Variants in ST7 observed in about 807,000 individuals in gnomAD.
The protein encoded by ST7 is suppression of tumorigenicity 7.
Under a neutral mutation model 78.7 loss-of-function variants are expected in ST7, and 28 were observed. The observed-to-expected ratio is 0.36, with a 90% CI of 0.26 to 0.49. The LOEUF is 0.49. Ranked by LOEUF, ST7 falls within the 20% of genes least tolerant of loss-of-function variation. The probability of loss-of-function intolerance (pLI) is 0.99; values close to 1 mark genes in which losing one functional copy is unlikely to be tolerated. For missense variants in ST7, 418 were observed against 696.0 expected, an observed-to-expected ratio of 0.60 and a Z score of 4.49; for synonymous variants, 247 against 249.6, an observed-to-expected ratio of 0.99 and a Z score of 0.10.
At position 117,099,857 on chromosome 7, in the gene ST7, G is replaced by A. The variant is rs1801430311; in HGVS notation, c.234+13G>A. On this transcript the variant is annotated intron_variant, in intron 2 of 15. Transcript: ENST00000323984. The stretch of plus-strand genomic sequence containing the variant: ...AGGGCTTATTTTGGTAAGTGGTGGA[G>A]TCCTTCTCATTTAAAAACATGCTGA... The A allele has an allele frequency of 1.9e-6, 3 of 1,604,484 alleles. No homozygotes were observed. The highest frequency in any genetic ancestry group is 2.6e-6 in the Non-Finnish European group (3 of 1,173,068).
At chr7:116,995,113 C>T (rs554525046) in intron 1 of ST7, among the ~76,000 whole-genome samples, 1 of 152,226 alleles carries the variant, frequency 6.6e-6, no homozygotes, top group Non-Finnish European at 1.5e-5. Context: ...TTAAATTCTC[C>T]TCAAAATCTT....
rs942205750 is a variant in ST7, at chr7:117,038,856, A to G, written c.152-60906A>G. Among the ~76,000 whole-genome samples the G allele has an allele frequency of 3.9e-5, 6 of 152,330 alleles. 1 individual carries two copies. The South Asian group carries it at 1.2e-3, about 32-fold the overall frequency. On this transcript the variant is annotated intron_variant, in intron 1 of 15. Transcript: ENST00000323984. ...AATGAAAGATTTTATGATGATTAAT[A>G]ACATCCAAATCCTTCCACTCAATGA...
At chr7:116,960,927 G>A (rs1316233355) in intron 1 of ST7, among the ~76,000 whole-genome samples, 1 of 152,144 alleles carries the variant, frequency 6.6e-6, no homozygotes, top group African/African-American at 2.4e-5. Context: ...TGTAGGTTGT[G>A]TTGCAGGGTT....
At chr7:117,046,487 A>G (rs1450058733) in intron 1 of ST7, among the ~76,000 whole-genome samples, 1 of 152,008 alleles carries the variant, frequency 6.6e-6, no homozygotes, top group Non-Finnish European at 1.5e-5. Flanking sequence ...TACTTCCATG[A>G]AGCCTTTTTT....
At chr7:117,032,889 A>T (rs749989654) in intron 1 of ST7, among the ~76,000 whole-genome samples, 2 of 152,194 alleles carry the variant, frequency 1.3e-5, no homozygotes, top group Non-Finnish European at 2.9e-5. Context: ...TTTCTAAGTT[A>T]GTTCCAGGCA....
intron 3 of ST7, among the ~76,000 whole-genome samples, chr7:117,122,104 T>C (rs1305431209): frequency 6.6e-6 from 1 of 152,074 alleles, no homozygotes; most frequent in Non-Finnish European, 1.5e-5. Context: ...GACATTTGAT[T>C]TGGATAGTGA....
chr7:117,114,146 G>T (rs1458273904), intron 2 of ST7, among the ~76,000 whole-genome samples: 1 of 151,988 alleles, frequency 6.6e-6, no homozygotes, highest in Non-Finnish European at 1.5e-5. Context: ...AGAGGGATTG[G>T]CTGAGATCTA....
Position 117,229,870 on chromosome 7 carries a change from C to CCTCCA in ST7, c.*17_*21dup. ...AACACGGATCTGAGAGAAGCCCTGTCCTCCACTCACCTCACCCGCCGCTGC... is the reference window on the plus strand; with the variant it reads ...AACACGGATCTGAGAGAAGCCCTGTCCTCCACTCCACTCACCTCACCCGCCGCTGC... On this transcript the variant is annotated 3_prime_UTR_variant, in exon 16 of 16. Coordinates refer to ENST00000323984, the MANE Select transcript of ST7 (RefSeq NM_001369598.1). 6.2e-7 allele frequency: 1 copy of CCTCCA among 1,604,946 alleles called. No individual in the cohort carries two copies. The highest frequency in any genetic ancestry group is 1.3e-5 in the African/African-American group (1 of 74,812).
chr7:116,970,353 G>A (rs1585063702), intron 1 of ST7, among the ~76,000 whole-genome samples: 1 of 152,154 alleles, frequency 6.6e-6, no homozygotes, highest in African/African-American at 2.4e-5. Context: ...GTCAGTTTAG[G>A]CTACTCTAAC....
chr7:117,149,622 A>ATTGT (rs1172312235), intron 9 of ST7, among the ~76,000 whole-genome samples: 1 of 63,206 alleles, frequency 1.6e-5, no homozygotes, highest in Non-Finnish European at 3.3e-5. Flanking sequence ...TTTTGAAGGC[A>ATTGT]TTGTTTTTTG....
intron 1 of ST7, among the ~76,000 whole-genome samples, chr7:116,960,844 T>G: frequency 6.6e-6 from 1 of 152,220 alleles, no homozygotes; most frequent in East Asian, 1.9e-4. Context: ...TGTCAATTTT[T>G]GCTTTTATTG....
At chr7:117,101,960 A>G (rs1039063567) in intron 2 of ST7, among the ~76,000 whole-genome samples, 6 of 152,354 alleles carry the variant, frequency 3.9e-5, no homozygotes, top group Non-Finnish European at 7.3e-5. Context: ...GATAATTTAT[A>G]CCATGTCGCC....
chr7:117,214,953 T>TGC (rs1792578233), intron 13 of ST7, among the ~76,000 whole-genome samples: 1 of 123,154 alleles, frequency 8.1e-6, no homozygotes, highest in Non-Finnish European at 1.7e-5. Context: ...TGTGTGTGTG[T>TGC]GTACAGTGTA....
At chr7:117,106,278 G>A (rs1801956517) in intron 2 of ST7, among the ~76,000 whole-genome samples, 1 of 152,174 alleles carries the variant, frequency 6.6e-6, no homozygotes, top group African/African-American at 2.4e-5. Context: ...GATTACAGGC[G>A]TGAGCCACCG....
At chr7:117,154,313 G>A (rs1806518146) in intron 9 of ST7, among the ~76,000 whole-genome samples, 1 of 152,166 alleles carries the variant, frequency 6.6e-6, no homozygotes, top group Non-Finnish European at 1.5e-5. Context: ...AATCTGCCAG[G>A]ACCTGGATCT....
In ST7 at chr7:117,018,141, C is replaced by G. The variant is rs993512092; in HGVS notation, c.151+64450C>G. The stretch of plus-strand genomic sequence containing the variant: ...AGCAGTTATTACATGTAGACCATGG[C>G]CTCTGTTTGAAAATATCTCTAACCC... On this transcript the variant is annotated intron_variant, in intron 1 of 15. Transcript: ENST00000323984. Among the ~76,000 whole-genome samples, 8 of 152,162 alleles carry G rather than the reference C, an allele frequency of 5.3e-5. No homozygotes were observed. In the East Asian group the frequency reaches 1.3e-3, roughly 26 times the overall value.
chr7:117,118,495 A>G (rs1803086533), intron 2 of ST7: 1 of 152,254 alleles, frequency 6.6e-6, no homozygotes, highest in African/African-American at 2.4e-5. Context: ...TTTTAAAATT[A>G]TATCCCAAAG....
intron 12 of ST7, among the ~76,000 whole-genome samples, chr7:117,196,680 G>A (rs201117034): frequency 8.4e-6 from 1 of 119,362 alleles, no homozygotes; most frequent in Non-Finnish European, 1.7e-5. Flanking sequence ...TTGCTTATAT[G>A]TTTTCAATAT....
intron 1 of ST7, among the ~76,000 whole-genome samples, chr7:117,042,998 AT>A (rs997817251): frequency 2.0e-5 from 3 of 152,164 alleles, no homozygotes; most frequent in Non-Finnish European, 4.4e-5. Flanking sequence ...AGTTTTTAAT[AT>A]AATTGTTTAG....
Sources: allele counts gnomAD v4.1 joint callset (sites outside exome capture counted in the v4.1 genomes callset), GRCh38; gene constraint gnomAD v4.1.1; transcripts MANE v1.5; gene names NCBI Gene and HGNC (gene_info 2026-07-23, HGNC 2026-07-21).